The following ABTB3 variants were observed in gnomAD, a reference collection of about 807,000 sequenced individuals.
The protein encoded by ABTB3 is ankyrin repeat- and BTB/POZ domain-containing protein 3.
chr12:107,552,089 T>A, the ABTB3 span, among the ~76,000 whole-genome samples: 21 of 152,322 alleles, frequency 1.4e-4, no homozygotes, highest in African/African-American at 4.8e-4. Context: ...GAGAATTAAA[T>A]TTTTAAAATC....
At chr12:107,459,492 GA>G in the ABTB3 span, among the ~76,000 whole-genome samples, 2 of 152,284 alleles carry the variant, frequency 1.3e-5, no homozygotes, top group African/African-American at 4.8e-5. Context: ...AGGTTAGATG[GA>G]AAAAAATGAA....
chr12:107,620,181 GT>G, the ABTB3 span: 1 of 1,612,800 alleles, frequency 6.2e-7, no homozygotes, highest in Non-Finnish European at 8.5e-7. Context: ...GGGGTTTGAG[GT>G]TGTTGTGGTC....
At chr12:107,558,581 C>T in the ABTB3 span, among the ~76,000 whole-genome samples, 2 of 152,120 alleles carry the variant, frequency 1.3e-5, no homozygotes, top group South Asian at 4.1e-4. Context: ...AAGCAAAATC[C>T]AAATGCCTCT....
chr12:107,457,319 G>T, the ABTB3 span, among the ~76,000 whole-genome samples: 1 of 152,270 alleles, frequency 6.6e-6, no homozygotes, highest in East Asian at 1.9e-4. Flanking sequence ...TGGCACCCAC[G>T]GCTCATTTAA....
the ABTB3 span, among the ~76,000 whole-genome samples, chr12:107,403,398 A>G: frequency 6.6e-6 from 1 of 152,108 alleles, no homozygotes; most frequent in African/African-American, 2.4e-5. Flanking sequence ...AGCTTGGCAG[A>G]TGGGTGCTAA....
the ABTB3 span, among the ~76,000 whole-genome samples, chr12:107,515,972 A>G: frequency 6.6e-6 from 1 of 151,922 alleles, no homozygotes; most frequent in Non-Finnish European, 1.5e-5. Context: ...CCTCACATGT[A>G]GTAAGGGTCA....
the ABTB3 span, among the ~76,000 whole-genome samples, chr12:107,437,275 G>C: frequency 2.0e-5 from 3 of 152,192 alleles, no homozygotes; most frequent in Admixed American, 1.3e-4. Flanking sequence ...GGTTCCAGGA[G>C]AGCATCCAGT....
chr12:107,408,726 G>C, the ABTB3 span, among the ~76,000 whole-genome samples: 2 of 152,204 alleles, frequency 1.3e-5, no homozygotes, highest in Admixed American at 6.5e-5. Flanking sequence ...TCCCTGCCTC[G>C]GGGAAAGAGC....
At chr12:107,392,947 T>A in the ABTB3 span, among the ~76,000 whole-genome samples, 1 of 152,182 alleles carries the variant, frequency 6.6e-6, no homozygotes, top group Non-Finnish European at 1.5e-5. Flanking sequence ...CGCTGAAGGC[T>A]GCAGAAGGTG....
chr12:107,610,887 G>A, the ABTB3 span, among the ~76,000 whole-genome samples: 2 of 152,140 alleles, frequency 1.3e-5, no homozygotes, highest in Non-Finnish European at 2.9e-5. Flanking sequence ...CAGCAGTCAG[G>A]GAGATACCTT....
At chr12:107,492,059 T>C in the ABTB3 span, among the ~76,000 whole-genome samples, 2 of 151,606 alleles carry the variant, frequency 1.3e-5, no homozygotes, top group Admixed American at 1.3e-4. Flanking sequence ...GGAGATCGTG[T>C]TGATTGGCTG....
the ABTB3 span, among the ~76,000 whole-genome samples, chr12:107,482,817 CTTTCTTTCTT>C: frequency 6.7e-6 from 1 of 150,214 alleles, no homozygotes; most frequent in African/African-American, 2.5e-5. Flanking sequence ...TTTTTTCTTT[CTTTCTTTCTT>C]TTTCTTTCTT....
chr12:107,318,770 G>C, the ABTB3 span: 1 of 705,256 alleles, frequency 1.4e-6, no homozygotes, highest in Non-Finnish European at 2.3e-6. Context: ...TATTCCAGCG[G>C]CGGCAGTTCC....
the ABTB3 span, among the ~76,000 whole-genome samples, chr12:107,633,836 C>T: frequency 6.6e-6 from 1 of 152,212 alleles, no homozygotes; most frequent in Non-Finnish European, 1.5e-5. Flanking sequence ...TACGCAGATG[C>T]CTGGGCCTCA....
At chr12:107,465,612 C>G in the ABTB3 span, among the ~76,000 whole-genome samples, 1 of 152,122 alleles carries the variant, frequency 6.6e-6, no homozygotes, top group African/African-American at 2.4e-5. Context: ...GCAGACCTCC[C>G]CTGTGATGCT....
chr12:107,483,710 C>G, the ABTB3 span, among the ~76,000 whole-genome samples: 3 of 151,986 alleles, frequency 2.0e-5, no homozygotes, highest in African/African-American at 7.3e-5. Flanking sequence ...TTTTTAGAGA[C>G]AGTTCTCACT....
chr12:107,605,268 T>G, the ABTB3 span, among the ~76,000 whole-genome samples: 568 of 152,320 alleles, frequency 3.7e-3, 1 homozygote, highest in African/African-American at 0.013. Flanking sequence ...GACAACAAGA[T>G]AGATGTGGTC....
the ABTB3 span, among the ~76,000 whole-genome samples, chr12:107,514,741 CT>C: frequency 6.6e-6 from 1 of 152,176 alleles, no homozygotes; most frequent in Non-Finnish European, 1.5e-5. Context: ...GGTATATAAT[CT>C]TTGTGTAATA....
the ABTB3 span, among the ~76,000 whole-genome samples, chr12:107,436,388 T>C: frequency 6.6e-6 from 1 of 152,160 alleles, no homozygotes; most frequent in Non-Finnish European, 1.5e-5. Context: ...AAGCTGGGCT[T>C]GGGGATATGC....
Sources: allele counts gnomAD v4.1 joint callset (sites outside exome capture counted in the v4.1 genomes callset), GRCh38; gene constraint gnomAD v4.1.1; transcripts MANE v1.5; gene names NCBI Gene and HGNC (gene_info 2026-07-23, HGNC 2026-07-21).